The following RAB38 variants were observed in gnomAD, a reference collection of about 807,000 sequenced individuals.
RAB38 encodes RAB38, member RAS oncogene family.
In RAB38, 15 loss-of-function variants were observed where a neutral mutation model predicts 18.4. That is an observed-to-expected ratio of 0.82 (90% CI 0.55 to 1.26). The LOEUF (loss-of-function observed/expected upper bound fraction) is 1.26, where lower values mean the gene tolerates loss of function less well. RAB38 is among the 50% of genes most tolerant of loss of function. The pLI, the probability that RAB38 is intolerant of heterozygous loss-of-function variation, is 0.00. For missense variants in RAB38, 294 were observed against 267.4 expected (o/e 1.10, Z -0.69); for synonymous variants, 101 against 104.4 (o/e 0.97, Z 0.20).
the RAB38 span, among the ~76,000 whole-genome samples, chr11:87,928,312 T>C: frequency 0.022 from 3,369 of 152,142 alleles, 129 homozygotes; most frequent in African/African-American, 0.078. Flanking sequence ...AGATGAGTTA[T>C]ATAAAATGAA....
chr11:87,906,495 T>C, the RAB38 span, among the ~76,000 whole-genome samples: 2 of 152,090 alleles, frequency 1.3e-5, no homozygotes, highest in African/African-American at 4.8e-5. Context: ...CATAACACAG[T>C]GTTTGACACA....
the RAB38 span, among the ~76,000 whole-genome samples, chr11:87,889,595 C>G: frequency 3.0e-4 from 45 of 151,630 alleles, no homozygotes; most frequent in African/African-American, 1.1e-3. Context: ...TATTATAATC[C>G]TCTTAACATC....
At chr11:88,065,593 G>T in the RAB38 span, among the ~76,000 whole-genome samples, 1 of 152,184 alleles carries the variant, frequency 6.6e-6, no homozygotes, top group Admixed American at 6.6e-5. Context: ...AGCTAAAGAG[G>T]CCTGAATATT....
At chr11:88,157,564 A>AT (rs1406669409) in intron 1 of RAB38, among the ~76,000 whole-genome samples, 2 of 152,216 alleles carry the variant, frequency 1.3e-5, no homozygotes, top group Non-Finnish European at 2.9e-5. Context: ...TGCACAGAAC[A>AT]TAGAAAGATT....
the RAB38 span, among the ~76,000 whole-genome samples, chr11:87,869,904 C>A: frequency 1.3e-5 from 2 of 151,706 alleles, no homozygotes; most frequent in Admixed American, 6.6e-5. Flanking sequence ...CTAACACTTA[C>A]AAAAGTTCTA....
At chr11:87,811,676 G>T in the RAB38 span, among the ~76,000 whole-genome samples, 1 of 152,038 alleles carries the variant, frequency 6.6e-6, no homozygotes, top group Non-Finnish European at 1.5e-5. Flanking sequence ...CCCTCATTGT[G>T]GTTGTCTTAA....
At chr11:88,122,605 A>C (rs1055353296) in intron 2 of RAB38, among the ~76,000 whole-genome samples, 1 of 152,212 alleles carries the variant, frequency 6.6e-6, no homozygotes, top group Non-Finnish European at 1.5e-5. Flanking sequence ...AATCTCATTT[A>C]ACCCTTACTA....
the RAB38 span, among the ~76,000 whole-genome samples, chr11:87,835,563 G>T: frequency 6.6e-6 from 1 of 152,134 alleles, no homozygotes; most frequent in African/African-American, 2.4e-5. Context: ...GGTCTTTAAA[G>T]AAGTAATTAA....
At chr11:88,173,744 A>T in intron 1 of RAB38, 3 of 985,418 alleles carry the variant, frequency 3.0e-6, no homozygotes, top group Non-Finnish European at 3.6e-6. Context: ...CCCATCCAAC[A>T]GTGGCTGATA....
intron 2 of RAB38, among the ~76,000 whole-genome samples, chr11:88,148,779 A>G (rs1227130976): frequency 2.0e-5 from 3 of 152,238 alleles, no homozygotes; most frequent in African/African-American, 7.2e-5. Flanking sequence ...AAAAGTGGAA[A>G]AATCATGATA....
intron 2 of RAB38, among the ~76,000 whole-genome samples, chr11:88,134,323 C>T (rs1942805309): frequency 6.6e-6 from 1 of 152,198 alleles, no homozygotes; most frequent in East Asian, 1.9e-4. Flanking sequence ...TCACTGCAAC[C>T]TCCACCTCCT....
At chr11:87,853,582 A>G in the RAB38 span, among the ~76,000 whole-genome samples, 1 of 152,206 alleles carries the variant, frequency 6.6e-6, no homozygotes, top group African/African-American at 2.4e-5. Context: ...TACAAGGTAG[A>G]AGCAGTGGAA....
the RAB38 span, among the ~76,000 whole-genome samples, chr11:87,940,541 C>G: frequency 1.1e-3 from 164 of 151,932 alleles, no homozygotes; most frequent in South Asian, 2.7e-3. Context: ...AGAGTTCCTG[C>G]TTGTCAAAAG....
the RAB38 span, among the ~76,000 whole-genome samples, chr11:87,863,307 G>A: frequency 0.059 from 8,917 of 151,868 alleles, 367 homozygotes; most frequent in Non-Finnish European, 0.083. Context: ...AAGGATTAAA[G>A]ATAATAACAT....
the RAB38 span, among the ~76,000 whole-genome samples, chr11:87,873,775 T>C: frequency 0.033 from 4,963 of 151,254 alleles, 220 homozygotes; most frequent in Admixed American, 0.13. Flanking sequence ...ATTTGTATTA[T>C]ATTTCTTTCT....
At chr11:88,016,476 TCTG>T in the RAB38 span, among the ~76,000 whole-genome samples, 1 of 152,242 alleles carries the variant, frequency 6.6e-6, no homozygotes, top group East Asian at 1.9e-4. Context: ...GGAAACATCT[TCTG>T]ATTAACTTCT....
chr11:88,064,593 T>C, the RAB38 span, among the ~76,000 whole-genome samples: 3 of 152,264 alleles, frequency 2.0e-5, no homozygotes, highest in East Asian at 5.8e-4. Context: ...CTTATTCTCT[T>C]AAGCCACTGA....
At chr11:87,963,291 G>A in the RAB38 span, among the ~76,000 whole-genome samples, 1 of 152,088 alleles carries the variant, frequency 6.6e-6, no homozygotes, top group African/African-American at 2.4e-5. Context: ...TGATCCCCCA[G>A]AGTGGCCTGA....
the RAB38 span, among the ~76,000 whole-genome samples, chr11:88,010,140 G>C: frequency 1.3e-5 from 2 of 152,264 alleles, no homozygotes; most frequent in Non-Finnish European, 2.9e-5. Flanking sequence ...AAAGAGTTTT[G>C]AATTTTGGTG....
Sources: gnomAD v4.1 joint callset for allele counts (sites outside exome capture counted in the v4.1 genomes callset) on GRCh38, gnomAD v4.1.1 for gene constraint, MANE v1.5 for transcripts, NCBI Gene and HGNC (gene_info 2026-07-23, HGNC 2026-07-21) for gene names.